Variants in QKI observed in about 807,000 individuals in gnomAD.
The protein encoded by QKI is QKI, KH domain containing RNA binding.
Under a neutral mutation model 39.0 loss-of-function variants are expected in QKI, and 10 were observed. The ratio of observed to expected loss-of-function variants is 0.26; its 90% CI spans 0.16 to 0.43. The LOEUF (loss-of-function observed/expected upper bound fraction) is 0.43. Ranked by LOEUF, QKI falls within the 20% of genes least tolerant of loss-of-function variation. The pLI, the probability that QKI is intolerant of heterozygous loss-of-function variation, is 1.00. For synonymous variants in QKI, 204 were observed against 155.4 expected, an observed-to-expected ratio of 1.31 and a Z score of -2.33; for missense variants, 218 against 428.0, an observed-to-expected ratio of 0.51 and a Z score of 4.33.
At chr6:163,524,692 C>G (rs1050586402) in intron 3 of QKI, among the ~76,000 whole-genome samples, 3 of 152,106 alleles carry the variant, frequency 2.0e-5, no homozygotes, top group Non-Finnish European at 4.4e-5. Context: ...GTCTTGAACT[C>G]CCGACCTCAG....
At chr6:163,482,751 T>G (rs1194608003) in intron 3 of QKI, among the ~76,000 whole-genome samples, 1 of 128,712 alleles carries the variant, frequency 7.8e-6, no homozygotes. Flanking sequence ...TGTGCCACCC[T>G]CCAGGTGCAT....
At position 163,578,576 on chromosome 6, in the gene QKI, G is replaced by A. The variant is rs977169063; in HGVS notation, c.*7866G>A. 1 of 152,162 alleles carries A rather than the reference G, an allele frequency of 6.6e-6. No individual in the cohort carries two copies. Among genetic ancestry groups the A allele is most frequent in the Admixed American group, 6.6e-5 (1 of 15,266 alleles). 9.4% of individuals were successfully genotyped at this position (152,162 alleles called of 1,614,324 possible). A position where few individuals can be genotyped will look rare whatever the true frequency, so the allele number is the denominator to read the frequency against. On this transcript the variant is annotated 3_prime_UTR_variant, in exon 8 of 8. Coordinates refer to ENST00000361752, the MANE Select transcript of QKI (RefSeq NM_006775.3). ...CACTGAGGTAAAACAGCATTAAAAA[G>A]TTGTCCAGAATTTAAACTGACTCTA...
At chr6:163,431,342 A>C (rs1426452427) in intron 1 of QKI, among the ~76,000 whole-genome samples, 1 of 152,206 alleles carries the variant, frequency 6.6e-6, no homozygotes, top group Non-Finnish European at 1.5e-5. Context: ...TATTTAAATA[A>C]AAATTAAGAT....
intron 3 of QKI, among the ~76,000 whole-genome samples, chr6:163,529,255 C>T (rs927472924): frequency 5.9e-5 from 9 of 152,176 alleles, no homozygotes; most frequent in African/African-American, 2.2e-4. Flanking sequence ...ACTAAACAGG[C>T]ACAGTAATCA....
At chr6:163,566,136 C>A (rs1783350830) in intron 6 of QKI, 2 of 1,418,728 alleles carry the variant, frequency 1.4e-6, no homozygotes, top group African/African-American at 2.9e-5. Context: ...TTGGTTTAGT[C>A]TGTAATATTA....
intron 2 of QKI, among the ~76,000 whole-genome samples, chr6:163,474,710 G>A (rs1792455280): frequency 6.6e-6 from 1 of 151,370 alleles, no homozygotes; most frequent in Non-Finnish European, 1.5e-5. Context: ...GGTGGAGTGG[G>A]GGTGAGGATG....
At chr6:163,531,655 T>TA (rs1388011142) in intron 3 of QKI, among the ~76,000 whole-genome samples, 1 of 152,216 alleles carries the variant, frequency 6.6e-6, no homozygotes, top group Non-Finnish European at 1.5e-5. Flanking sequence ...TCTTACTTCT[T>TA]ACGAGTTTGG....
chr6:163,536,300 A>T (rs1178904129), intron 4 of QKI, among the ~76,000 whole-genome samples: 4 of 152,248 alleles, frequency 2.6e-5, no homozygotes, highest in Admixed American at 6.5e-5. Context: ...TTTCGAAAGT[A>T]TACTGGGCAA....
At chr6:163,567,226 T>TG (rs1377091998) in intron 7 of QKI, 21 of 987,882 alleles carry the variant, frequency 2.1e-5, no homozygotes, top group Non-Finnish European at 2.4e-5. Context: ...TGTGTACTTT[T>TG]GGAGAAAACT....
chr6:163,567,975 G>A, intron 7 of QKI: 1 of 985,276 alleles, frequency 1.0e-6, no homozygotes, highest in Non-Finnish European at 1.2e-6. Flanking sequence ...TATTTGTTTA[G>A]CATAATCCAT....
At chr6:163,417,308 AAAAT>A in intron 1 of QKI, among the ~76,000 whole-genome samples, 1 of 152,290 alleles carries the variant, frequency 6.6e-6, no homozygotes, top group Non-Finnish European at 1.5e-5. Context: ...CGATAAAATG[AAAAT>A]AGGCCTTGGC....
chr6:163,562,117 T>C (rs749866744), intron 5 of QKI, 48 bp downstream of exon 5: 2 of 1,443,534 alleles, frequency 1.4e-6, no homozygotes, highest in Non-Finnish European at 1.9e-6. Flanking sequence ...TGCGTTGTTT[T>C]GTCTACAGAC....
chr6:163,517,094 T>TCTCTCTCTCTCTCTCTCTAG (rs796976137), intron 3 of QKI, among the ~76,000 whole-genome samples: 7 of 149,426 alleles, frequency 4.7e-5, no homozygotes, highest in African/African-American at 1.8e-4. Context: ...TCTCTCTCTC[T>TCTCTCTCTCTCTCTCTCTAG]CTCTCTCTAG....
chr6:163,508,524 CTTTCTTTCTTTTT>C (rs1253906468), intron 3 of QKI, among the ~76,000 whole-genome samples: 8 of 6,966 alleles, frequency 1.1e-3, no homozygotes, highest in East Asian at 0.038. Context: ...TTCTTTCTTT[CTTTCTTTCTTTTT>C]TTTTTTTTTA....
intron 3 of QKI, among the ~76,000 whole-genome samples, chr6:163,482,832 A>T (rs1315661123): frequency 6.7e-6 from 1 of 149,166 alleles, no homozygotes; most frequent in East Asian, 2.0e-4. Flanking sequence ...TTCATTATGT[A>T]GGCATGACTG....
chr6:163,510,922 C>T (rs1321207084), intron 3 of QKI, among the ~76,000 whole-genome samples: 2 of 152,122 alleles, frequency 1.3e-5, no homozygotes, highest in Non-Finnish European at 1.5e-5. Flanking sequence ...ATTAGCCATT[C>T]TTGATCATAT....
intron 1 of QKI, among the ~76,000 whole-genome samples, chr6:163,421,788 A>AG (rs1173668053): frequency 1.3e-5 from 2 of 150,416 alleles, no homozygotes; most frequent in Non-Finnish European, 3.0e-5. Context: ...TCTGTCACCC[A>AG]GGCTGGAATG....
chr6:163,498,697 G>C (rs780976142), intron 3 of QKI, among the ~76,000 whole-genome samples: 1 of 151,926 alleles, frequency 6.6e-6, no homozygotes, highest in African/African-American at 2.4e-5. Flanking sequence ...CTAGTTTTTA[G>C]AAATAATTTT....
At chr6:163,524,697 C>A (rs942239167) in intron 3 of QKI, among the ~76,000 whole-genome samples, 2 of 152,058 alleles carry the variant, frequency 1.3e-5, no homozygotes, top group Non-Finnish European at 2.9e-5. Context: ...GAACTCCCGA[C>A]CTCAGGTGAT....
Sources: allele counts gnomAD v4.1 joint callset (sites outside exome capture counted in the v4.1 genomes callset), GRCh38; gene constraint gnomAD v4.1.1; transcripts MANE v1.5; gene names NCBI Gene and HGNC (gene_info 2026-07-23, HGNC 2026-07-21).